The following HTR2C variants were observed in gnomAD, a reference collection of about 807,000 sequenced individuals.
HTR2C encodes 5-hydroxytryptamine (serotonin) receptor 2C, G protein-coupled.
In HTR2C, 5 loss-of-function variants were observed where a neutral mutation model predicts 21.0. That is an observed-to-expected ratio of 0.24 (90% CI 0.12 to 0.50). The LOEUF (loss-of-function observed/expected upper bound fraction) is 0.50. HTR2C is among the 20% of genes least tolerant of loss of function. HTR2C has a pLI of 0.98. For missense variants in HTR2C, 271 were observed against 371.2 expected (o/e 0.73, Z 2.22); for synonymous variants, 150 against 145.3 (o/e 1.03, Z -0.23).
At chrX:114,688,993 C>A (rs1343503206) in intron 2 of HTR2C, among the ~76,000 whole-genome samples, 7 of 108,356 alleles carry the variant, frequency 6.5e-5, no homozygotes, top group Non-Finnish European at 1.3e-4. Flanking sequence ...CCCTGTAACC[C>A]TTCCCCTCGA....
At chrX:114,588,947 G>T (rs1927519730) in intron 1 of HTR2C, among the ~76,000 whole-genome samples, 1 of 111,680 alleles carries the variant, frequency 9.0e-6, no homozygotes, top group African/African-American at 3.3e-5. Flanking sequence ...CCATGAGAAG[G>T]TACTACTATT....
chrX:114,907,216 C>T lies in HTR2C; in HGVS notation c.1178C>T (p.Pro393Leu). Reference sequence around the variant, plus strand: ...TGCAATTATAAGGTAGAGAAAAAGCCTCCTGTCAGGCAGATTCCAAGAGTT... The same window carrying T: ...TGCAATTATAAGGTAGAGAAAAAGCTTCCTGTCAGGCAGATTCCAAGAGTT... ...LRCNYKVEKK[P>L]PVRQIPRVAA... The change falls in exon 6 of 6, where the codon CCT becomes CTT. Residue 393 changes from proline to leucine, a missense_variant. By Grantham distance (98) the Pro-to-Leu change is moderately conservative. Coordinates refer to ENST00000276198, the MANE Select transcript of HTR2C (RefSeq NM_000868.4). 1.7e-6 allele frequency: 2 copies of T among 1,211,367 alleles called. No individual in the cohort carries two copies. The highest frequency in any genetic ancestry group is 2.2e-6 in the Non-Finnish European group (2 of 895,346).
chrX:114,606,996 C>T (rs12851998), intron 1 of HTR2C, among the ~76,000 whole-genome samples: 11,968 of 104,963 alleles, frequency 0.11, 734 homozygotes, highest in South Asian at 0.26. Flanking sequence ...GAGTGGGGGT[C>T]GCAAGGTGCT....
chrX:114,694,501 A>ATCC (rs1932214692), intron 2 of HTR2C, among the ~76,000 whole-genome samples: 1 of 36,905 alleles, frequency 2.7e-5, no homozygotes, highest in Non-Finnish European at 5.3e-5. Flanking sequence ...ATACACACAC[A>ATCC]GATTTAGACA....
Position 114,756,493 on chromosome X carries a change from G to A in HTR2C, c.349+24886G>A, listed in dbSNP as rs781791857. On this transcript the variant is annotated intron_variant, in intron 4 of 5. Transcript: ENST00000276198. Reference sequence around the variant, plus strand: ...GTACCTCCATACCATGGAATACCACGCAGCAATAAAAAGGAATGAACTATT... The same window carrying A: ...GTACCTCCATACCATGGAATACCACACAGCAATAAAAAGGAATGAACTATT... Among the ~76,000 whole-genome samples the A allele has an allele frequency of 1.3e-4, 15 of 112,019 alleles. No individual in the cohort carries two copies. The East Asian group carries it at 1.7e-3, about 13-fold the overall frequency.
At chrX:114,590,909 G>A (rs1677261052) in intron 1 of HTR2C, among the ~76,000 whole-genome samples, 1 of 111,511 alleles carries the variant, frequency 9.0e-6, no homozygotes, top group Non-Finnish European at 1.9e-5. Flanking sequence ...TTTGCGGTAT[G>A]GGTTGATGGC....
intron 2 of HTR2C, among the ~76,000 whole-genome samples, chrX:114,664,000 G>C (rs1244940993): frequency 9.0e-6 from 1 of 111,450 alleles, no homozygotes; most frequent in Non-Finnish European, 1.9e-5. Flanking sequence ...AGGAGTGAAG[G>C]CTCAGAAGAT....
intron 2 of HTR2C, among the ~76,000 whole-genome samples, chrX:114,702,623 C>A (rs1477616971): frequency 9.0e-6 from 1 of 111,368 alleles, no homozygotes; most frequent in Non-Finnish European, 1.9e-5. Context: ...ATTCTAAAGA[C>A]CATCGAGGCT....
chrX:114,906,935 C>T lies in HTR2C; in HGVS notation c.897C>T (p.Thr299=). 8.3e-7 allele frequency: 1 copy of T among 1,210,749 alleles called. No individual in the cohort carries two copies. The highest frequency in any genetic ancestry group is 1.7e-5 in the African/African-American group (1 of 57,735). The change falls in exon 6 of 6, where the codon ACC becomes ACT. Residue 299 remains threonine, a synonymous_variant. Transcript: ENST00000276198. ...AGAAGGAGAGACGTCCTAGGGGCACCATGCAGGCTATCAACAATGAAAGAA... is the reference window on the plus strand; with the variant it reads ...AGAAGGAGAGACGTCCTAGGGGCACTATGCAGGCTATCAACAATGAAAGAA... The part of the protein sequence containing the change: ...RKKKERRPRG[T]MQAINNERKA...
rs192331263 is a variant in HTR2C at position 114,840,674 on chromosome X, C to T, written c.350-7329C>T. Reference sequence around the variant, plus strand: ...GCCGTAAGTTTATAGACTCATGAAGCTCAGCAAATACCAAGCATCATAAGT... The same window carrying T: ...GCCGTAAGTTTATAGACTCATGAAGTTCAGCAAATACCAAGCATCATAAGT... On this transcript the variant is annotated intron_variant, in intron 4 of 5. Coordinates refer to ENST00000276198, the MANE Select transcript of HTR2C (RefSeq NM_000868.4). Among the ~76,000 whole-genome samples the T allele has an allele frequency of 2.5e-4, 28 of 111,447 alleles. No homozygotes were observed. In the East Asian group the frequency reaches 7.6e-3, roughly 30 times the overall value.
At chrX:114,751,493 G>C (rs1407776460) in intron 4 of HTR2C, among the ~76,000 whole-genome samples, 4 of 111,615 alleles carry the variant, frequency 3.6e-5, no homozygotes, top group African/African-American at 1.3e-4. Flanking sequence ...GAGAATGAGG[G>C]ACATGTAAAC....
chrX:114,896,917 T>TC (rs782020291), intron 5 of HTR2C, among the ~76,000 whole-genome samples: 1 of 111,782 alleles, frequency 8.9e-6, no homozygotes, highest in Admixed American at 9.5e-5. Context: ...ATTTTTGTTC[T>TC]CCTGTTTCTC....
intron 2 of HTR2C, among the ~76,000 whole-genome samples, chrX:114,663,191 G>T (rs2064303883): frequency 9.1e-6 from 1 of 109,661 alleles, no homozygotes; most frequent in African/African-American, 3.3e-5. Flanking sequence ...ATAGTACCTA[G>T]AACTGTACTG....
At chrX:114,670,020 C>T (rs1931315382) in intron 2 of HTR2C, among the ~76,000 whole-genome samples, 1 of 111,388 alleles carries the variant, frequency 9.0e-6, no homozygotes, top group African/African-American at 3.3e-5. Flanking sequence ...GGGAGGTTCA[C>T]TTGAAGTGAG....
chrX:114,808,622 G>C (rs1556451687), intron 4 of HTR2C, among the ~76,000 whole-genome samples: 2 of 111,370 alleles, frequency 1.8e-5, no homozygotes, highest in Non-Finnish European at 3.8e-5. Flanking sequence ...ATCCTCGCCA[G>C]TGTTTGTTAT....
intron 4 of HTR2C, among the ~76,000 whole-genome samples, chrX:114,749,787 AAAAT>A (rs1420983965): frequency 1.8e-5 from 2 of 112,320 alleles, no homozygotes; most frequent in African/African-American, 6.5e-5. Context: ...TTTAAGGAAA[AAAAT>A]AAAAAATCAT....
intron 2 of HTR2C, among the ~76,000 whole-genome samples, chrX:114,726,171 C>T (rs1355920040): frequency 1.2e-4 from 13 of 112,493 alleles, no homozygotes; most frequent in Admixed American, 4.7e-4. Flanking sequence ...AGTGAGACTC[C>T]GTGGGCATAG....
At chrX:114,658,066 TTTG>T (rs1930852635) in intron 2 of HTR2C, among the ~76,000 whole-genome samples, 2 of 111,193 alleles carry the variant, frequency 1.8e-5, no homozygotes, top group Admixed American at 9.7e-5. Flanking sequence ...ACAATTTTTT[TTTG>T]TTTGTTTGTT....
In HTR2C at chrX:114,744,554, G is replaced by T. The variant is rs782717913; in HGVS notation, c.349+12947G>T. Among the ~76,000 whole-genome samples the T allele has an allele frequency of 5.6e-5, 6 of 107,200 alleles. No homozygotes were observed. The East Asian group carries it at 1.8e-3, about 32-fold the overall frequency. 93.1% of individuals were successfully genotyped at this position (107,200 alleles called of 115,157 possible). On this transcript the variant is annotated intron_variant, in intron 4 of 5. Transcript: ENST00000276198. ...TGCAAGCTCTGCCTCCCAGGTTCACGCCATTCTTCTGCCTCAGCCTCCCGA... is the reference window on the plus strand; with the variant it reads ...TGCAAGCTCTGCCTCCCAGGTTCACTCCATTCTTCTGCCTCAGCCTCCCGA...
Sources: allele counts gnomAD v4.1 joint callset (sites outside exome capture counted in the v4.1 genomes callset), GRCh38; gene constraint gnomAD v4.1.1; transcripts MANE v1.5; gene names NCBI Gene and HGNC (gene_info 2026-07-23, HGNC 2026-07-21).